The following EHMT1 variants were observed in gnomAD, a reference collection of about 807,000 sequenced individuals.
EHMT1 encodes euchromatic histone lysine methyltransferase 1, also known as histone-lysine N-methyltransferase EHMT1.
In EHMT1, 15 loss-of-function variants were observed where a neutral mutation model predicts 147.2. That is an observed-to-expected ratio of 0.10 (90% CI 0.07 to 0.16). EHMT1 has a LOEUF of 0.16. Ranked by LOEUF, EHMT1 falls within the 10% of genes least tolerant of loss-of-function variation. EHMT1 has a pLI of 1.00. For missense variants in EHMT1, 1,587 were observed against 1,772.4 expected, an observed-to-expected ratio of 0.90 and a Z score of 1.88; for synonymous variants, 795 against 709.6, an observed-to-expected ratio of 1.12 and a Z score of -1.91.
chr9:137,634,635 C>CT (rs1191694828), intron 1 of EHMT1, among the ~76,000 whole-genome samples: 1 of 144,916 alleles, frequency 6.9e-6, no homozygotes, highest in African/African-American at 2.6e-5. Context: ...CTTTTCTTTT[C>CT]TTTTTTTTCA....
At chr9:137,794,612 A>C (rs1040715758) in intron 16 of EHMT1, among the ~76,000 whole-genome samples, 1 of 151,162 alleles carries the variant, frequency 6.6e-6, no homozygotes, top group Non-Finnish European at 1.5e-5. Context: ...GCACCACTGC[A>C]CTTTAGCCCG....
intron 25 of EHMT1, among the ~76,000 whole-genome samples, chr9:137,821,633 C>T (rs1436279016): frequency 6.6e-6 from 1 of 152,190 alleles, no homozygotes; most frequent in African/African-American, 2.4e-5. Flanking sequence ...TGCCCAGCTT[C>T]ACCATAGAGT....
At chr9:137,702,766 C>T (rs867664539) in intron 1 of EHMT1, among the ~76,000 whole-genome samples, 35 of 152,372 alleles carry the variant, frequency 2.3e-4, no homozygotes, top group Middle Eastern at 3.4e-3. Context: ...ATCCACACTG[C>T]CCTAGTAGAG....
intron 1 of EHMT1, among the ~76,000 whole-genome samples, chr9:137,652,660 A>G (rs1193512013): frequency 1.3e-5 from 2 of 151,834 alleles, no homozygotes; most frequent in South Asian, 2.1e-4. Context: ...TGTTGGGATT[A>G]CAGGCGTGAG....
In EHMT1 at chr9:137,706,401, T is replaced by C. The variant is rs186950904; in HGVS notation, c.22-4566T>C. ...TTTTAACTAATTCATTTTGTTTTGCTTAGATCAAGGAGAAGGAATAATGTG... is the reference window on the plus strand; with the variant it reads ...TTTTAACTAATTCATTTTGTTTTGCCTAGATCAAGGAGAAGGAATAATGTG... On this transcript the variant is annotated intron_variant, in intron 1 of 26. Coordinates refer to ENST00000460843, the MANE Select transcript of EHMT1 (RefSeq NM_024757.5). Among the ~76,000 whole-genome samples the C allele has an allele frequency of 5.3e-4, 80 of 152,340 alleles. 1 individual carries two copies. The highest frequency in any genetic ancestry group is 1.9e-3 in the African/African-American group (77 of 41,566).
At chr9:137,699,132 G>A (rs539163594) in intron 1 of EHMT1, among the ~76,000 whole-genome samples, 5 of 152,312 alleles carry the variant, frequency 3.3e-5, no homozygotes, top group East Asian at 3.9e-4. Flanking sequence ...CTGAAGGCGC[G>A]CTGCCGTCTT....
chr9:137,720,952 T>C (rs929141408), intron 3 of EHMT1, among the ~76,000 whole-genome samples: 2 of 152,118 alleles, frequency 1.3e-5, no homozygotes, highest in African/African-American at 4.8e-5. Flanking sequence ...CCAGAGTGGC[T>C]GCAGCCTTTC....
At chr9:137,632,730 G>A (rs1339258191) in intron 1 of EHMT1, among the ~76,000 whole-genome samples, 2 of 152,086 alleles carry the variant, frequency 1.3e-5, no homozygotes, top group Non-Finnish European at 2.9e-5. Flanking sequence ...GATTACAGGC[G>A]TGAGCCACTG....
At chr9:137,792,013 A>T (rs1952561225) in intron 16 of EHMT1, 1 of 458,582 alleles carries the variant, frequency 2.2e-6, no homozygotes, top group African/African-American at 2.0e-5. Flanking sequence ...GATTATGAGC[A>T]TGAGCCACCA....
intron 16 of EHMT1, among the ~76,000 whole-genome samples, chr9:137,794,117 A>G (rs760365576): frequency 6.6e-6 from 1 of 152,240 alleles, no homozygotes; most frequent in Non-Finnish European, 1.5e-5. Context: ...CTCCTGCCTC[A>G]TGTCACATTA....
At chr9:137,660,601 C>G (rs370404540) in intron 1 of EHMT1, among the ~76,000 whole-genome samples, 1 of 152,110 alleles carries the variant, frequency 6.6e-6, no homozygotes, top group African/African-American at 2.4e-5. Context: ...CAATCCTGTT[C>G]GGATATTAAT....
chr9:137,738,664 G>A (rs1283892997), intron 4 of EHMT1: 6 of 152,144 alleles, frequency 3.9e-5, no homozygotes, highest in Non-Finnish European at 7.4e-5. Context: ...TCGGGCGAAC[G>A]GATCAGCAAA....
At chr9:137,747,601 A>AG (rs1948651424) in intron 6 of EHMT1, 1 of 152,386 alleles carries the variant, frequency 6.6e-6, no homozygotes, top group South Asian at 2.1e-4. Context: ...AGAATAAATG[A>AG]GAAAAACTAC....
intron 1 of EHMT1, among the ~76,000 whole-genome samples, chr9:137,657,309 G>A (rs1938564340): frequency 6.6e-6 from 1 of 152,178 alleles, no homozygotes; most frequent in Admixed American, 6.5e-5. Context: ...ATTCTGAGCA[G>A]AGGAGTGGCG....
In EHMT1 at chr9:137,731,567, A is replaced by G. The variant is rs1294431777; in HGVS notation, c.823+3038A>G. Among the ~76,000 whole-genome samples the G allele has an allele frequency of 2.0e-5, 3 of 152,184 alleles. No individual in the cohort carries two copies. Among genetic ancestry groups the G allele is most frequent in the African/African-American group, 7.2e-5 (3 of 41,446 alleles). On this transcript the variant is annotated intron_variant, in intron 4 of 26. Transcript: ENST00000460843. The surrounding 1 kb of genome is among the most constrained non-coding windows in gnomAD (Gnocchi z 4.3). ...AAAGGCCTTTTACAACAGTGTCCAT[A>G]CAGAGCAGGAATCGGGGTACGTCCT...
chr9:137,753,500 G>A (rs72766944), intron 7 of EHMT1, among the ~76,000 whole-genome samples: 5,171 of 152,310 alleles, frequency 0.034, 126 homozygotes, highest in Non-Finnish European at 0.047. Context: ...AACTCAGGAA[G>A]AAGGCTGCCC....
At position 137,776,586 on chromosome 9, in the gene EHMT1, A is replaced by G. The variant is rs1286830085; in HGVS notation, c.1792-32A>G. ...TTTCTAAATATTAACCCCAATTAAA[A>G]CAAAAATTTTTTTTTGTCCTCCCAT... is the stretch of plus-strand genomic sequence containing the variant. On this transcript the variant is annotated intron_variant, in intron 11 of 26. Coordinates refer to ENST00000460843, the MANE Select transcript of EHMT1 (RefSeq NM_024757.5). This position sits in a 1 kb window ranked among gnomAD's most constrained non-coding sequence, Gnocchi z 4.4. 1.9e-6 allele frequency: 3 copies of G among 1,612,496 alleles called. No homozygotes were observed. In the African/African-American group the frequency reaches 4.0e-5, roughly 22 times the overall value.
At chr9:137,715,640 G>C in intron 2 of EHMT1, 1 of 985,438 alleles carries the variant, frequency 1.0e-6, no homozygotes, top group Non-Finnish European at 1.2e-6. Flanking sequence ...AGCTGAGTGT[G>C]TGTGTCAATC....
intron 23 of EHMT1, 142 bp from the exon 24 acceptor site, chr9:137,817,297 G>A (rs1564818082): frequency 7.8e-6 from 7 of 897,056 alleles, no homozygotes; most frequent in Non-Finnish European, 1.2e-5. Flanking sequence ...TGTCTGTGAG[G>A]TGCCTGCAGC....
Sources: allele counts gnomAD v4.1 joint callset (sites outside exome capture counted in the v4.1 genomes callset), GRCh38; gene constraint gnomAD v4.1.1; non-coding constraint Gnocchi (gnomAD v3.1); transcripts MANE v1.5; gene names NCBI Gene and HGNC (gene_info 2026-07-23, HGNC 2026-07-21).